NKAIN2: variants seen among roughly 807,000 people sequenced by gnomAD.
NKAIN2 encodes the protein sodium/potassium-transporting ATPase subunit beta-1-interacting protein 2.
In NKAIN2, 14 loss-of-function variants were observed where a neutral mutation model predicts 32.6. The observed-to-expected ratio is 0.43, with a 90% CI of 0.28 to 0.67. The LOEUF is 0.67. NKAIN2 is among the 30% of genes least tolerant of loss of function. The pLI, the probability that NKAIN2 is intolerant of heterozygous loss-of-function variation, is 0.17. For missense variants in NKAIN2, 198 were observed against 258.3 expected (o/e 0.77, Z 1.60); for synonymous variants, 80 against 87.2 (o/e 0.92, Z 0.46).
intron 4 of NKAIN2, among the ~76,000 whole-genome samples, chr6:124,702,886 A>G (rs1774869701): frequency 6.6e-6 from 1 of 152,112 alleles, no homozygotes; most frequent in African/African-American, 2.4e-5. Flanking sequence ...CAAATGGAAT[A>G]TATTCCTTAA....
intron 2 of NKAIN2, among the ~76,000 whole-genome samples, chr6:124,288,074 T>C (rs563222481): frequency 2.0e-5 from 3 of 152,336 alleles, no homozygotes; most frequent in South Asian, 2.1e-4. Flanking sequence ...GAGGATAGTA[T>C]ACTAAAATAA....
chr6:124,414,708 CT>C (rs1296602971), intron 3 of NKAIN2, among the ~76,000 whole-genome samples: 1 of 151,972 alleles, frequency 6.6e-6, no homozygotes, highest in East Asian at 1.9e-4. Flanking sequence ...TTTTCTATTT[CT>C]TCTTAACTGA....
chr6:124,328,726 A>T (rs1797524317), intron 2 of NKAIN2, among the ~76,000 whole-genome samples: 1 of 152,192 alleles, frequency 6.6e-6, no homozygotes, highest in Non-Finnish European at 1.5e-5. Flanking sequence ...AATGGTAAGC[A>T]GGCGTTTGTA....
chr6:123,861,503 TA>T (rs1325045366), intron 1 of NKAIN2, among the ~76,000 whole-genome samples: 3 of 152,180 alleles, frequency 2.0e-5, no homozygotes, highest in Non-Finnish European at 4.4e-5. Context: ...TTGGAAGTGA[TA>T]AAATAAGGGC....
chr6:123,879,282 G>A (rs770772839), intron 1 of NKAIN2, among the ~76,000 whole-genome samples: 1 of 152,064 alleles, frequency 6.6e-6, no homozygotes, highest in Admixed American at 6.5e-5. Flanking sequence ...CTGCTCAGAT[G>A]TGTCTATTTA....
intron 4 of NKAIN2, among the ~76,000 whole-genome samples, chr6:124,708,445 T>G (rs1041847976): frequency 3.1e-4 from 47 of 152,200 alleles, no homozygotes; most frequent in African/African-American, 9.1e-4. Context: ...TATGGCCATT[T>G]TCAGGATATT....
At chr6:123,919,270 G>A (rs1322952958) in intron 1 of NKAIN2, among the ~76,000 whole-genome samples, 1 of 151,990 alleles carries the variant, frequency 6.6e-6, no homozygotes, top group African/African-American at 2.4e-5. Flanking sequence ...CAAGTGCATG[G>A]TTTCTTTTGT....
intron 3 of NKAIN2, among the ~76,000 whole-genome samples, chr6:124,482,254 CTGAT>C (rs776395780): frequency 6.6e-6 from 1 of 152,158 alleles, no homozygotes; most frequent in Non-Finnish European, 1.5e-5. Context: ...CTAATTGAAA[CTGAT>C]TGTGGTTGGC....
At position 124,811,858 on chromosome 6, in the gene NKAIN2, A is replaced by G. The variant is rs574429446; in HGVS notation, c.536-6529A>G. ...ATGTGCAGTGTTTTGCATATCAATT[A>G]TACCTCAGTATAGCTCTTAAAAAAA... On this transcript the variant is annotated intron_variant, in intron 5 of 6. Transcript: ENST00000368417. Among the ~76,000 whole-genome samples the G allele has an allele frequency of 9.9e-5, 15 of 152,270 alleles. No homozygotes were observed. The South Asian group carries it at 2.9e-3, about 29-fold the overall frequency.
chr6:124,437,172 C>T (rs1480719031), intron 3 of NKAIN2, among the ~76,000 whole-genome samples: 1 of 152,168 alleles, frequency 6.6e-6, no homozygotes, highest in Non-Finnish European at 1.5e-5. Flanking sequence ...TTCCATAACA[C>T]TTAACAACTT....
chr6:124,243,358 A>C (rs1793213731), intron 1 of NKAIN2, among the ~76,000 whole-genome samples: 1 of 151,910 alleles, frequency 6.6e-6, no homozygotes, highest in Non-Finnish European at 1.5e-5. Context: ...AGCTGAGCAT[A>C]GTAGCACATG....
chr6:124,626,023 A>G (rs1220113752), intron 3 of NKAIN2, among the ~76,000 whole-genome samples: 3 of 151,212 alleles, frequency 2.0e-5, no homozygotes, highest in Non-Finnish European at 1.5e-5. Flanking sequence ...TACATGTGCC[A>G]TGTTGGTGTG....
intron 2 of NKAIN2, among the ~76,000 whole-genome samples, chr6:124,307,627 A>G (rs1401545236): frequency 6.6e-6 from 1 of 152,198 alleles, no homozygotes; most frequent in Non-Finnish European, 1.5e-5. Context: ...ATAAAGGTTG[A>G]CAATTACAAT....
intron 4 of NKAIN2, among the ~76,000 whole-genome samples, chr6:124,716,685 C>A (rs1164770634): frequency 6.6e-6 from 1 of 152,126 alleles, no homozygotes. Flanking sequence ...TAGCACCTGC[C>A]CTTCCCGCTG....
intron 3 of NKAIN2, among the ~76,000 whole-genome samples, chr6:124,464,821 T>A (rs1188909658): frequency 6.6e-6 from 1 of 152,148 alleles, no homozygotes; most frequent in Non-Finnish European, 1.5e-5. Context: ...TTTTGTTCTT[T>A]TTGCTTAGGA....
intron 1 of NKAIN2, among the ~76,000 whole-genome samples, chr6:123,888,260 C>T (rs1179334841): frequency 6.6e-6 from 1 of 152,050 alleles, no homozygotes; most frequent in African/African-American, 2.4e-5. Context: ...CACATGAGTT[C>T]TAAAGATTAA....
At chr6:124,365,284 T>A (rs1799473281) in intron 3 of NKAIN2, among the ~76,000 whole-genome samples, 1 of 151,914 alleles carries the variant, frequency 6.6e-6, no homozygotes. Flanking sequence ...TGTATTGTTG[T>A]CTATAAGAGA....
intron 1 of NKAIN2, among the ~76,000 whole-genome samples, chr6:124,085,765 T>C (rs1175639585): frequency 6.6e-6 from 1 of 151,992 alleles, no homozygotes; most frequent in Non-Finnish European, 1.5e-5. Flanking sequence ...CTCTGCAATG[T>C]GTCTGGCATC....
At chr6:124,691,873 C>A (rs774444537) in intron 4 of NKAIN2, among the ~76,000 whole-genome samples, 12 of 152,124 alleles carry the variant, frequency 7.9e-5, no homozygotes, top group South Asian at 2.1e-4. Context: ...ATATACTTTA[C>A]AATATAGTTT....
Sources: allele counts gnomAD v4.1 joint callset (sites outside exome capture counted in the v4.1 genomes callset), GRCh38; gene constraint gnomAD v4.1.1; transcripts MANE v1.5; gene names NCBI Gene and HGNC (gene_info 2026-07-23, HGNC 2026-07-21).